FOXK2: variants seen among roughly 807,000 people sequenced by gnomAD.
FOXK2 encodes forkhead box K2, also known as forkhead box protein K2.
Under a neutral mutation model 53.3 loss-of-function variants are expected in FOXK2, and 24 were observed. That is an observed-to-expected ratio of 0.45 (90% CI 0.33 to 0.63). The LOEUF (loss-of-function observed/expected upper bound fraction) is 0.63, where lower values mean the gene tolerates loss of function less well. Among genes scored for constraint, FOXK2 ranks in the 30% least tolerant of loss-of-function variants. The pLI, the probability that FOXK2 is intolerant of heterozygous loss-of-function variation, is 0.03. For synonymous variants in FOXK2, 505 were observed against 407.1 expected (o/e 1.24, Z -2.89); for missense variants, 952 against 910.5 (o/e 1.05, Z -0.59).
chr17:82,529,805 C>A (rs1325711216), intron 1 of FOXK2, among the ~76,000 whole-genome samples: 1 of 152,132 alleles, frequency 6.6e-6, no homozygotes, highest in African/African-American at 2.4e-5. Flanking sequence ...TCTTGCTATC[C>A]CTGGTTGTAA....
chr17:82,557,370 A>G (rs2044740270), intron 1 of FOXK2, among the ~76,000 whole-genome samples: 1 of 144,352 alleles, frequency 6.9e-6, no homozygotes, highest in South Asian at 2.2e-4. Flanking sequence ...TTGAGACAGA[A>G]TCTCACACTG....
At chr17:82,597,144 A>G (rs901705422) in intron 8 of FOXK2, among the ~76,000 whole-genome samples, 1 of 152,164 alleles carries the variant, frequency 6.6e-6, no homozygotes, top group Non-Finnish European at 1.5e-5. Flanking sequence ...CGTGGGCCCG[A>G]GGTGCTCATA....
At chr17:82,566,803 C>G (rs540448172) in intron 2 of FOXK2, among the ~76,000 whole-genome samples, 1 of 152,284 alleles carries the variant, frequency 6.6e-6, no homozygotes, top group Non-Finnish European at 1.5e-5. Flanking sequence ...AGGGGGAACC[C>G]AGGTCCCCGG....
intron 8 of FOXK2, among the ~76,000 whole-genome samples, chr17:82,588,564 G>T (rs2045221013): frequency 6.6e-6 from 1 of 152,138 alleles, no homozygotes; most frequent in African/African-American, 2.4e-5. Flanking sequence ...GTGATTCCCA[G>T]ATTCGATATG....
chr17:82,567,495 G>A (rs1326487229), intron 2 of FOXK2, among the ~76,000 whole-genome samples: 3 of 152,012 alleles, frequency 2.0e-5, no homozygotes, highest in Admixed American at 2.0e-4. Flanking sequence ...CCGCTGCTGC[G>A]TCCCGGGCGC....
Position 82,587,283 on chromosome 17 carries a change from C to T in FOXK2, c.1786+11C>T, listed in dbSNP as rs759278123. ...GCCAGGTGAACAATGGTAAGACATG[C>T]TGGTCGGTGGCTCCCCGTGGCTGTG... On this transcript the variant is annotated intron_variant, in intron 8 of 8. Transcript: ENST00000335255. 24 of 1,606,868 alleles carry T rather than the reference C, an allele frequency of 1.5e-5. No homozygotes were observed. Among genetic ancestry groups the T allele is most frequent in the Admixed American group, 1.7e-5 (1 of 59,972 alleles).
chr17:82,526,376 A>G (rs1393545913), intron 1 of FOXK2, among the ~76,000 whole-genome samples: 1 of 152,168 alleles, frequency 6.6e-6, no homozygotes, highest in Non-Finnish European at 1.5e-5. Context: ...TCTCCAGGAT[A>G]AGGAAGGAGG....
chr17:82,540,597 C>T lies in FOXK2; in HGVS notation c.419+20290C>T, dbSNP rs185243552. ...CTCCAGTCCAGCACCCACCCTCAGG[C>T]GTAACCCTTTCCTTCCTCCCACACG... On this transcript the variant is annotated intron_variant, in intron 1 of 8. Coordinates refer to ENST00000335255, the MANE Select transcript of FOXK2 (RefSeq NM_004514.4). 1.5e-3 allele frequency among the ~76,000 whole-genome samples: 223 copies of T among 152,262 alleles called. 1 individual carries two copies. Among genetic ancestry groups the T allele is most frequent in the African/African-American group, 5.2e-3 (215 of 41,558 alleles).
At chr17:82,558,148 C>T (rs2044751944) in intron 1 of FOXK2, among the ~76,000 whole-genome samples, 1 of 152,060 alleles carries the variant, frequency 6.6e-6, no homozygotes, top group South Asian at 2.1e-4. Flanking sequence ...GCCTGGGTGA[C>T]ATTGGGAGAC....
chr17:82,565,574 T>C (rs995094114), intron 2 of FOXK2, among the ~76,000 whole-genome samples: 1 of 152,192 alleles, frequency 6.6e-6, no homozygotes. Context: ...TCAGTAGTTA[T>C]TAGGGAAATG....
chr17:82,572,515 G>T (rs2044930092), intron 4 of FOXK2, among the ~76,000 whole-genome samples: 1 of 148,966 alleles, frequency 6.7e-6, no homozygotes, highest in Admixed American at 6.7e-5. Context: ...TTGAGTCAGA[G>T]TCTCGCTCTG....
rs1160574788 is a variant in FOXK2, at chr17:82,603,007, AAACATTTATTATT to A, written c.*1509_*1521del. 6.6e-6 allele frequency: 1 copy of A among 152,654 alleles called. No individual in the cohort carries two copies. The highest frequency in any genetic ancestry group is 1.5e-5 in the Non-Finnish European group (1 of 68,046). The allele number at this position is 152,654 out of a possible 1,614,324, so 9.5% of individuals were successfully genotyped here. A position where few individuals can be genotyped will look rare whatever the true frequency, so the allele number is the denominator to read the frequency against. ...AGAATGGTATATTTAGGCAATTTTA[AAACATTTATTATT>A]TACATAAAGACCAAATATGATGAAT... is the stretch of plus-strand genomic sequence containing the variant. On this transcript the variant is annotated 3_prime_UTR_variant, in exon 9 of 9. Coordinates refer to ENST00000335255, the MANE Select transcript of FOXK2 (RefSeq NM_004514.4).
chr17:82,589,404 A>C (rs2045231071), intron 8 of FOXK2, among the ~76,000 whole-genome samples: 1 of 152,266 alleles, frequency 6.6e-6, no homozygotes, highest in African/African-American at 2.4e-5. Flanking sequence ...TAAAATATAG[A>C]TATAAATATT....
At chr17:82,580,271 T>C (rs112543846) in intron 4 of FOXK2, among the ~76,000 whole-genome samples, 202 of 66,396 alleles carry the variant, frequency 3.0e-3, no homozygotes, top group Middle Eastern at 0.024. Flanking sequence ...GCCCAGATCC[T>C]TCCCACACAT....
At chr17:82,565,809 T>G (rs2044846134) in intron 2 of FOXK2, among the ~76,000 whole-genome samples, 1 of 152,256 alleles carries the variant, frequency 6.6e-6, no homozygotes, top group Non-Finnish European at 1.5e-5. Context: ...CTTCTGGATA[T>G]AGACCCAAAC....
In FOXK2 at chr17:82,554,911, A is replaced by T. The variant is rs374670735; in HGVS notation, c.420-8443A>T. Among the ~76,000 whole-genome samples the T allele has an allele frequency of 2.2e-4, 34 of 151,594 alleles. No homozygotes were observed. The East Asian group carries it at 5.8e-3, about 26-fold the overall frequency. On this transcript the variant is annotated intron_variant, in intron 1 of 8. Transcript: ENST00000335255. ...CAGGTGTGGGCCACCATGCCCGACT[A>T]ATTTTTTTTTTGTTTTTAATAGTGG... is the stretch of plus-strand genomic sequence containing the variant.
intron 1 of FOXK2, among the ~76,000 whole-genome samples, chr17:82,536,166 C>T (rs1388612303): frequency 6.6e-6 from 1 of 152,302 alleles, no homozygotes; most frequent in Non-Finnish European, 1.5e-5. Flanking sequence ...GTGTGAGCTA[C>T]GGTGCCCGGC....
At position 82,582,807 on chromosome 17, in the gene FOXK2, C is replaced by G. The variant is rs764871305; in HGVS notation, c.976C>G (p.Pro326Ala). 1 of 1,611,522 alleles carries G rather than the reference C, an allele frequency of 6.2e-7. No individual in the cohort carries two copies. The highest frequency in any genetic ancestry group is 8.5e-7 in the Non-Finnish European group (1 of 1,179,372). The change falls in exon 5 of 9, where the codon CCA becomes GCA. Residue 326 changes from proline to alanine, a missense_variant. Around this residue, in one of 5 missense-constraint regions of FOXK2, gnomAD observed 160 missense variants for 214.2 expected, o/e 0.75. Coordinates refer to ENST00000335255, the MANE Select transcript of FOXK2 (RefSeq NM_004514.4). ...FIKVPRSQEE[P>A]GKGSFWRIDP... is the part of the protein sequence containing the mutation. ...CAAAGTGCCGCGTTCCCAGGAAGAA[C>G]CAGGCAAAGGCTCGTTCTGGAGGAT...
intron 4 of FOXK2, chr17:82,576,724 C>T: frequency 2.2e-6 from 2 of 898,070 alleles, no homozygotes; most frequent in Middle Eastern, 2.8e-4. Flanking sequence ...GCTCTGTAGT[C>T]CAAAACCGTG....
Sources: gnomAD v4.1 joint callset for allele counts (sites outside exome capture counted in the v4.1 genomes callset) on GRCh38, gnomAD v4.1.1 for gene constraint, gnomAD v4.1.1 regional missense constraint, MANE v1.5 for transcripts, NCBI Gene and HGNC (gene_info 2026-07-23, HGNC 2026-07-21) for gene names.